Variants in IGSF21 observed in about 807,000 individuals in gnomAD.
The protein encoded by IGSF21 is immunoglobulin superfamily member 21.
IGSF21 carries 28 observed loss-of-function variants against 46.8 expected under a neutral mutation model. The ratio of observed to expected loss-of-function variants is 0.60; its 90% CI spans 0.44 to 0.82. The LOEUF (loss-of-function observed/expected upper bound fraction) is 0.82. IGSF21 is among the 40% of genes least tolerant of loss of function. The pLI is 0.00. For missense variants in IGSF21, 624 were observed against 665.5 expected, an observed-to-expected ratio of 0.94 and a Z score of 0.69; for synonymous variants, 284 against 273.6, an observed-to-expected ratio of 1.04 and a Z score of -0.38.
intron 1 of IGSF21, among the ~76,000 whole-genome samples, chr1:18,143,797 G>A (rs2086440211): frequency 1.3e-5 from 2 of 152,170 alleles, no homozygotes; most frequent in Non-Finnish European, 2.9e-5. Flanking sequence ...TTCTCTGGGC[G>A]AGGTCTTGTC....
intron 6 of IGSF21, among the ~76,000 whole-genome samples, chr1:18,368,873 C>G (rs1485966692): frequency 6.6e-6 from 1 of 152,208 alleles, no homozygotes; most frequent in East Asian, 1.9e-4. Context: ...GAAAAGTGAG[C>G]TTGTAGCTGA....
intron 6 of IGSF21, among the ~76,000 whole-genome samples, chr1:18,375,496 C>T (rs1004872555): frequency 9.9e-5 from 15 of 152,172 alleles, no homozygotes; most frequent in Non-Finnish European, 1.9e-4. Flanking sequence ...TCTCAGGTGT[C>T]GTTCAGAGGA....
At chr1:18,252,619 TG>T (rs1314713470) in intron 2 of IGSF21, among the ~76,000 whole-genome samples, 1 of 152,186 alleles carries the variant, frequency 6.6e-6, no homozygotes, top group Non-Finnish European at 1.5e-5. Context: ...TGGGGAAGCC[TG>T]GGGTAGAGTT....
intron 3 of IGSF21, among the ~76,000 whole-genome samples, chr1:18,310,841 C>T (rs921820435): frequency 6.6e-6 from 1 of 152,126 alleles, no homozygotes; most frequent in South Asian, 2.1e-4. Flanking sequence ...TGCCAGCAGT[C>T]CTTGGCATTC....
intron 3 of IGSF21, among the ~76,000 whole-genome samples, chr1:18,324,646 C>A (rs1046531405): frequency 2.6e-5 from 4 of 152,202 alleles, no homozygotes; most frequent in South Asian, 4.1e-4. Flanking sequence ...TCTGGGAGAG[C>A]TATTAAAGGA....
chr1:18,280,780 A>AC (rs1384694473), intron 2 of IGSF21, among the ~76,000 whole-genome samples: 1 of 149,780 alleles, frequency 6.7e-6, no homozygotes, highest in African/African-American at 2.4e-5. Flanking sequence ...CTTGTCCTGA[A>AC]CCCCCCTCAC....
chr1:18,122,351 C>T (rs564391796), intron 1 of IGSF21, among the ~76,000 whole-genome samples: 5 of 151,748 alleles, frequency 3.3e-5, no homozygotes, highest in Admixed American at 2.0e-4. Context: ...CCACCATACC[C>T]GGCTAATTTT....
chr1:18,326,950 C>A (rs188508638), intron 3 of IGSF21, among the ~76,000 whole-genome samples: 59 of 152,224 alleles, frequency 3.9e-4, no homozygotes, highest in Non-Finnish European at 6.9e-4. Context: ...AGGTTCTGGG[C>A]CAAGCAAGAC....
intron 1 of IGSF21, among the ~76,000 whole-genome samples, chr1:18,139,401 C>A (rs926266923): frequency 1.3e-5 from 2 of 152,186 alleles, no homozygotes; most frequent in African/African-American, 4.8e-5. Context: ...AGCACCTCCC[C>A]CTGCTGGAAG....
At chr1:18,163,928 G>A (rs1485619558) in intron 1 of IGSF21, among the ~76,000 whole-genome samples, 1 of 152,124 alleles carries the variant, frequency 6.6e-6, no homozygotes, top group Admixed American at 6.5e-5. Context: ...ATATGAAAAG[G>A]GAAATACCGT....
intron 1 of IGSF21, among the ~76,000 whole-genome samples, chr1:18,216,867 T>C (rs1249916796): frequency 6.6e-6 from 1 of 152,170 alleles, no homozygotes; most frequent in Admixed American, 6.5e-5. Context: ...GTAATAATAT[T>C]TATTACAATA....
At chr1:18,137,178 G>A (rs2086374514) in intron 1 of IGSF21, among the ~76,000 whole-genome samples, 2 of 152,152 alleles carry the variant, frequency 1.3e-5, no homozygotes, top group African/African-American at 2.4e-5. Flanking sequence ...CATGGCCAGA[G>A]CAGGAGCAAG....
chr1:18,162,008 C>T (rs2086630268), intron 1 of IGSF21, among the ~76,000 whole-genome samples: 1 of 152,022 alleles, frequency 6.6e-6, no homozygotes, highest in Non-Finnish European at 1.5e-5. Flanking sequence ...TACAATGATT[C>T]GATTTCCTGT....
At chr1:18,119,837 G>A (rs1157568869) in intron 1 of IGSF21, among the ~76,000 whole-genome samples, 1 of 151,984 alleles carries the variant, frequency 6.6e-6, no homozygotes, top group Non-Finnish European at 1.5e-5. Flanking sequence ...GCCATTTGGG[G>A]CAGTGATTTA....
intron 2 of IGSF21, among the ~76,000 whole-genome samples, chr1:18,282,669 CACAA>C (rs1210989319): frequency 2.0e-5 from 3 of 151,110 alleles, no homozygotes; most frequent in African/African-American, 7.4e-5. Flanking sequence ...CACACACACA[CACAA>C]ACACACACCC....
intron 3 of IGSF21, among the ~76,000 whole-genome samples, chr1:18,318,489 T>TGC (rs749217326): frequency 2.2e-4 from 33 of 148,920 alleles, no homozygotes; most frequent in East Asian, 2.0e-4. Context: ...TGTGTGTGTG[T>TGC]GCGTGCGTTT....
rs773810380 is a variant in IGSF21, at chr1:18,109,151, G to A, written c.70+953G>A. On this transcript the variant is annotated intron_variant, in intron 1 of 9. Coordinates refer to ENST00000251296, the MANE Select transcript of IGSF21 (RefSeq NM_032880.5). This position sits in a 1 kb window ranked among gnomAD's most constrained non-coding sequence, Gnocchi z 4.8. ...GGCCGGCCTCCCACCCAGTGCCGCCGCGTAGTGGGTCTTAAATGGAGCTGA... is the reference window on the plus strand; with the variant it reads ...GGCCGGCCTCCCACCCAGTGCCGCCACGTAGTGGGTCTTAAATGGAGCTGA... 2.6e-5 allele frequency among the ~76,000 whole-genome samples: 4 copies of A among 151,992 alleles called. No individual in the cohort carries two copies. The highest frequency in any genetic ancestry group is 5.9e-5 in the Non-Finnish European group (4 of 67,992).
At chr1:18,228,673 G>T (rs2084593513) in intron 2 of IGSF21, among the ~76,000 whole-genome samples, 1 of 152,210 alleles carries the variant, frequency 6.6e-6, no homozygotes. Flanking sequence ...TTGGGGCTGG[G>T]CTCAGAAGGT....
intron 2 of IGSF21, among the ~76,000 whole-genome samples, chr1:18,245,406 G>C (rs1002287417): frequency 1.3e-5 from 2 of 152,142 alleles, no homozygotes; most frequent in Non-Finnish European, 2.9e-5. Flanking sequence ...CAAATAGCTT[G>C]TGTAGCAAAT....
Sources: allele counts gnomAD v4.1 joint callset (sites outside exome capture counted in the v4.1 genomes callset), GRCh38; gene constraint gnomAD v4.1.1; non-coding constraint Gnocchi (gnomAD v3.1); transcripts MANE v1.5; gene names NCBI Gene and HGNC (gene_info 2026-07-23, HGNC 2026-07-21).